The following CAMK2B variants were observed in gnomAD, a reference collection of about 807,000 sequenced individuals.
CAMK2B encodes calcium/calmodulin dependent protein kinase II beta, also known as calcium/calmodulin-dependent protein kinase type II subunit beta.
In CAMK2B, 27 loss-of-function variants were observed where a neutral mutation model predicts 93.7. That is an observed-to-expected ratio of 0.29 (90% CI 0.21 to 0.40). CAMK2B has a LOEUF of 0.40. Among genes scored for constraint, CAMK2B ranks in the 10% least tolerant of loss-of-function variants. The pLI, the probability that CAMK2B is intolerant of heterozygous loss-of-function variation, is 1.00. For missense variants in CAMK2B, 568 were observed against 895.8 expected (o/e 0.63, Z 4.67); for synonymous variants, 374 against 358.8 (o/e 1.04, Z -0.48).
intron 3 of CAMK2B, among the ~76,000 whole-genome samples, chr7:44,260,864 A>G (rs1219751470): frequency 6.6e-6 from 1 of 152,132 alleles, no homozygotes; most frequent in Admixed American, 6.5e-5. Flanking sequence ...CCATTCTCAA[A>G]GAGCAAGGTA....
At chr7:44,303,639 T>A (rs1300129950) in intron 1 of CAMK2B, among the ~76,000 whole-genome samples, 1 of 152,174 alleles carries the variant, frequency 6.6e-6, no homozygotes, top group Non-Finnish European at 1.5e-5. Context: ...AATGCAAAAC[T>A]TTAAAACTTC....
chr7:44,236,909 C>T (rs929231045), intron 13 of CAMK2B, among the ~76,000 whole-genome samples: 10 of 152,340 alleles, frequency 6.6e-5, no homozygotes, highest in South Asian at 2.1e-4. Context: ...CATCCAGCCT[C>T]GCCTTGAGGA....
Position 44,286,020 on chromosome 7 carries a change from A to G in CAMK2B, c.66-1795T>C. Among the ~76,000 whole-genome samples, 1 of 152,262 alleles carries G rather than the reference A, an allele frequency of 6.6e-6. No homozygotes were observed. The highest frequency in any genetic ancestry group is 2.4e-5 in the African/African-American group (1 of 41,540). On this transcript the variant is annotated intron_variant, in intron 1 of 23. Transcript: ENST00000395749. This position sits in a 1 kb window ranked among gnomAD's most constrained non-coding sequence, Gnocchi z 4.0. ...AAGAAAGGATTATTATTTTTAACATATGACATTAACTTGGGAGACTGAGGT... is the reference window on the plus strand; with the variant it reads ...AAGAAAGGATTATTATTTTTAACATGTGACATTAACTTGGGAGACTGAGGT...
chr7:44,246,510 A>T (rs1023802684), intron 6 of CAMK2B, among the ~76,000 whole-genome samples: 1 of 151,992 alleles, frequency 6.6e-6, no homozygotes, highest in African/African-American at 2.4e-5. Flanking sequence ...CATGCGCATG[A>T]ACATGCCCAC....
At chr7:44,317,286 G>C (rs1296936779) in intron 1 of CAMK2B, among the ~76,000 whole-genome samples, 1 of 150,376 alleles carries the variant, frequency 6.6e-6, no homozygotes, top group East Asian at 1.9e-4. Context: ...TTGAAGCTCT[G>C]GCCCTGTGTT....
At chr7:44,322,697 G>A (rs926909548) in intron 1 of CAMK2B, among the ~76,000 whole-genome samples, 3 of 152,216 alleles carry the variant, frequency 2.0e-5, no homozygotes, top group Admixed American at 1.3e-4. Flanking sequence ...CCCAGAAAGC[G>A]GCCCCTCTTG....
intron 11 of CAMK2B, 102 bp downstream of exon 11, chr7:44,241,598 G>T: frequency 1.2e-6 from 1 of 843,662 alleles, no homozygotes; most frequent in Non-Finnish European, 2.0e-6. Context: ...GGGGGCAGCA[G>T]TAACCCCTAG....
chr7:44,288,697 T>C (rs1785826469), intron 1 of CAMK2B, among the ~76,000 whole-genome samples: 1 of 152,102 alleles, frequency 6.6e-6, no homozygotes, highest in African/African-American at 2.4e-5. Flanking sequence ...CCCTGTCTCA[T>C]TTACAGTGGG....
chr7:44,288,359 G>A lies in CAMK2B; in HGVS notation c.66-4134C>T, dbSNP rs10435035. Among the ~76,000 whole-genome samples the A allele has an allele frequency of 4.5e-4, 69 of 152,358 alleles. No homozygotes were observed. The East Asian group carries it at 0.012, about 27-fold the overall frequency. ...CTGCAGGTGCATAGGCTGATCACAC[G>A]CCTGCCTCTAGGGTGTGGACCATCC... On this transcript the variant is annotated intron_variant, in intron 1 of 23. Coordinates refer to ENST00000395749, the MANE Select transcript of CAMK2B (RefSeq NM_001220.5).
intron 22 of CAMK2B, 53 bp from the exon 23 acceptor site, chr7:44,220,347 C>T (rs2096385071): frequency 7.3e-7 from 1 of 1,371,224 alleles, no homozygotes; most frequent in Non-Finnish European, 1.0e-6. Context: ...TGCCCTGGTG[C>T]CCGTCTTCCA....
At chr7:44,257,624 C>T (rs969936145) in intron 4 of CAMK2B, among the ~76,000 whole-genome samples, 13 of 152,378 alleles carry the variant, frequency 8.5e-5, no homozygotes, top group East Asian at 3.9e-4. Flanking sequence ...ACAGGACAGA[C>T]GTTTCAGGAC....
chr7:44,299,516 G>C lies in CAMK2B; in HGVS notation c.66-15291C>G, dbSNP rs528265957. The stretch of plus-strand genomic sequence containing the variant: ...GTTACTGAATTGTATCCTTAGAAAT[G>C]GTTAAAATAGTAAAATTTTTATGTA... On this transcript the variant is annotated intron_variant, in intron 1 of 23. Transcript: ENST00000395749. Among the ~76,000 whole-genome samples the C allele has an allele frequency of 1.8e-4, 28 of 151,620 alleles. No homozygotes were observed. The South Asian group carries it at 3.8e-3, about 20-fold the overall frequency.
At chr7:44,243,592 G>T in intron 6 of CAMK2B, 65 bp from the exon 7 acceptor site, 1 of 1,325,186 alleles carries the variant, frequency 7.5e-7, no homozygotes, top group African/African-American at 1.4e-5. Context: ...TGTGGGGTTG[G>T]GTGGGGGGTT....
chr7:44,241,658 G>T, intron 11 of CAMK2B, 42 bp downstream of exon 11: 1 of 1,513,388 alleles, frequency 6.6e-7, no homozygotes, highest in Non-Finnish European at 9.2e-7. Flanking sequence ...GAGGGACACA[G>T]AGAAGCATGG....
At chr7:44,278,786 G>A (rs967504376) in intron 2 of CAMK2B, among the ~76,000 whole-genome samples, 3 of 152,242 alleles carry the variant, frequency 2.0e-5, no homozygotes, top group African/African-American at 4.8e-5. Context: ...ATCTGGGCAA[G>A]GCCAGCTCTG....
At chr7:44,289,024 TCTC>T (rs1370571071) in intron 1 of CAMK2B, among the ~76,000 whole-genome samples, 1 of 152,064 alleles carries the variant, frequency 6.6e-6, no homozygotes, top group African/African-American at 2.4e-5. Context: ...TCCGCCTCTG[TCTC>T]CTCCTCGCAT....
At chr7:44,237,516 C>T (rs1396923672) in intron 13 of CAMK2B, among the ~76,000 whole-genome samples, 1 of 152,222 alleles carries the variant, frequency 6.6e-6, no homozygotes, top group African/African-American at 2.4e-5. Flanking sequence ...TTAAAACAAT[C>T]GCTTGTGCAC....
At chr7:44,323,351 G>A (rs1166298764) in intron 1 of CAMK2B, among the ~76,000 whole-genome samples, 5 of 152,190 alleles carry the variant, frequency 3.3e-5, no homozygotes, top group Non-Finnish European at 7.3e-5. Flanking sequence ...GGCCACACTC[G>A]CTCCTTTCCA....
intron 20 of CAMK2B, among the ~76,000 whole-genome samples, 189 bp downstream of exon 20, chr7:44,226,327 T>C (rs2096477695): frequency 6.6e-6 from 1 of 152,176 alleles, no homozygotes; most frequent in Non-Finnish European, 1.5e-5. Context: ...TTCATAACCA[T>C]AACCTCCATT....
Sources: gnomAD v4.1 joint callset for allele counts (sites outside exome capture counted in the v4.1 genomes callset) on GRCh38, gnomAD v4.1.1 for gene constraint, Gnocchi (gnomAD v3.1) non-coding constraint, MANE v1.5 for transcripts, NCBI Gene and HGNC (gene_info 2026-07-23, HGNC 2026-07-21) for gene names.